KCNH1: variants seen among roughly 807,000 people sequenced by gnomAD.
The protein encoded by KCNH1 is voltage-gated delayed rectifier potassium channel KCNH1.
KCNH1 carries 27 observed loss-of-function variants against 69.2 expected under a neutral mutation model. The observed-to-expected ratio is 0.39, with a 90% CI of 0.29 to 0.54. The LOEUF (loss-of-function observed/expected upper bound fraction) is 0.54. Among genes scored for constraint, KCNH1 ranks in the 20% least tolerant of loss-of-function variants. The probability of loss-of-function intolerance (pLI) is 0.68; values close to 1 mark genes in which losing one functional copy is unlikely to be tolerated. For synonymous variants in KCNH1, 456 were observed against 487.7 expected (o/e 0.93, Z 0.86); for missense variants, 798 against 1,261.6 (o/e 0.63, Z 5.57).
intron 10 of KCNH1, among the ~76,000 whole-genome samples, chr1:210,716,974 A>G (rs576112629): frequency 6.6e-6 from 1 of 152,258 alleles, no homozygotes; most frequent in African/African-American, 2.4e-5. Context: ...CACTAAGTTG[A>G]CTGATCAGTT....
intron 7 of KCNH1, among the ~76,000 whole-genome samples, chr1:210,888,552 T>A (rs1487204277): frequency 6.6e-6 from 1 of 151,668 alleles, no homozygotes; most frequent in African/African-American, 2.4e-5. Flanking sequence ...AAGAAATAAC[T>A]AAGATGCGAG....
chr1:211,131,768 G>A (rs779020378), intron 1 of KCNH1, among the ~76,000 whole-genome samples: 6 of 152,132 alleles, frequency 3.9e-5, no homozygotes, highest in Non-Finnish European at 8.8e-5. Flanking sequence ...ATTTCAAGAT[G>A]AGAACCATTT....
intron 1 of KCNH1, 78 bp from the exon 2 acceptor site, chr1:211,107,455 T>A: frequency 1.4e-6 from 2 of 1,399,566 alleles, no homozygotes; most frequent in Non-Finnish European, 2.0e-6. Flanking sequence ...ACATAAATAA[T>A]GTCAAGCAAT....
intron 6 of KCNH1, among the ~76,000 whole-genome samples, chr1:210,982,472 A>T (rs944587167): frequency 2.0e-5 from 3 of 151,128 alleles, no homozygotes; most frequent in African/African-American, 7.3e-5. Context: ...TCCTGTGTCC[A>T]TGTCTTCTCA....
At chr1:210,933,467 A>G (rs1351251470) in intron 6 of KCNH1, among the ~76,000 whole-genome samples, 1 of 152,108 alleles carries the variant, frequency 6.6e-6, no homozygotes, top group East Asian at 1.9e-4. Flanking sequence ...TACATATGTA[A>G]CTAACCTGCA....
At chr1:210,967,411 A>C (rs1175142792) in intron 6 of KCNH1, among the ~76,000 whole-genome samples, 1 of 152,110 alleles carries the variant, frequency 6.6e-6, no homozygotes, top group African/African-American at 2.4e-5. Flanking sequence ...AAAAGTTTGA[A>C]AGTTTTGCCT....
intron 7 of KCNH1, among the ~76,000 whole-genome samples, chr1:210,823,092 TG>T (rs1684962176): frequency 6.6e-6 from 1 of 152,156 alleles, no homozygotes; most frequent in Admixed American, 6.5e-5. Flanking sequence ...GAGCTGCTCC[TG>T]GATCAGCTCC....
chr1:210,896,693 A>G (rs1686875230), intron 7 of KCNH1, among the ~76,000 whole-genome samples: 3 of 152,164 alleles, frequency 2.0e-5, no homozygotes, highest in Admixed American at 2.0e-4. Context: ...ACTCAGCGGA[A>G]AGTTTAGCTT....
chr1:211,075,253 G>A (rs1690712996), intron 5 of KCNH1, among the ~76,000 whole-genome samples: 1 of 152,144 alleles, frequency 6.6e-6, no homozygotes. Flanking sequence ...CCAAATATCT[G>A]TCCTTGTCCA....
chr1:210,696,335 TTTATTTCCA>T (rs1273271554), intron 10 of KCNH1, among the ~76,000 whole-genome samples: 3 of 152,290 alleles, frequency 2.0e-5, no homozygotes, highest in East Asian at 1.9e-4. Context: ...GAGAATGCTG[TTTATTTCCA>T]TTATTTCCAT....
intron 10 of KCNH1, among the ~76,000 whole-genome samples, chr1:210,768,343 C>G (rs1046243517): frequency 1.3e-5 from 2 of 152,130 alleles, no homozygotes; most frequent in Non-Finnish European, 2.9e-5. Context: ...CCTGAAGTCA[C>G]TAAGTAGGGC....
chr1:211,065,236 G>T (rs1482899165), intron 5 of KCNH1, among the ~76,000 whole-genome samples: 2 of 152,130 alleles, frequency 1.3e-5, no homozygotes, highest in Admixed American at 1.3e-4. Flanking sequence ...AATCAACCTA[G>T]GTGTCCAACA....
intron 6 of KCNH1, among the ~76,000 whole-genome samples, chr1:210,930,288 T>C (rs573887661): frequency 6.6e-6 from 1 of 152,112 alleles, no homozygotes; most frequent in South Asian, 2.1e-4. Flanking sequence ...GCAAACTATA[T>C]TATAAGGCCA....
chr1:210,959,109 C>CT (rs34064467), intron 6 of KCNH1, among the ~76,000 whole-genome samples: 5 of 152,268 alleles, frequency 3.3e-5, no homozygotes, highest in African/African-American at 9.6e-5. Context: ...TGTGGATGTC[C>CT]TTTTTGTTGA....
intron 6 of KCNH1, among the ~76,000 whole-genome samples, chr1:211,007,485 C>A (rs1312750485): frequency 6.6e-6 from 1 of 152,200 alleles, no homozygotes; most frequent in African/African-American, 2.4e-5. Flanking sequence ...ACATACAATG[C>A]CTGTGCCTAG....
At chr1:210,831,790 C>T (rs1342965923) in intron 7 of KCNH1, among the ~76,000 whole-genome samples, 1 of 152,152 alleles carries the variant, frequency 6.6e-6, no homozygotes, top group Non-Finnish European at 1.5e-5. Context: ...TGGAGATACA[C>T]AGGATGAGTC....
intron 10 of KCNH1, among the ~76,000 whole-genome samples, chr1:210,771,339 T>A (rs77459404): frequency 0.027 from 4,086 of 152,256 alleles, 194 homozygotes; most frequent in African/African-American, 0.093. Flanking sequence ...ATAGCCTGAT[T>A]TTTCCCTCCA....
intron 5 of KCNH1, among the ~76,000 whole-genome samples, chr1:211,073,721 A>G (rs1378512487): frequency 6.6e-6 from 1 of 152,208 alleles, no homozygotes; most frequent in East Asian, 1.9e-4. Context: ...AGCAGTGTTT[A>G]GAGGGAAATT....
At chr1:211,002,089 C>G (rs1689193470) in intron 6 of KCNH1, among the ~76,000 whole-genome samples, 1 of 151,764 alleles carries the variant, frequency 6.6e-6, no homozygotes, top group Non-Finnish European at 1.5e-5. Flanking sequence ...TGCAGCACAC[C>G]AACATGGCAC....
Sources: gnomAD v4.1 joint callset for allele counts (sites outside exome capture counted in the v4.1 genomes callset) on GRCh38, gnomAD v4.1.1 for gene constraint, MANE v1.5 for transcripts, NCBI Gene and HGNC (gene_info 2026-07-23, HGNC 2026-07-21) for gene names.